Variants in PRR14L observed in about 807,000 individuals in gnomAD.
PRR14L encodes the protein proline rich 14 like, also known as protein PRR14L.
Under a neutral mutation model 155.0 loss-of-function variants are expected in PRR14L, and 80 were observed. The ratio of observed to expected loss-of-function variants is 0.52; its 90% CI spans 0.43 to 0.62. PRR14L has a LOEUF of 0.62. Among genes scored for constraint, PRR14L ranks in the 20% least tolerant of loss-of-function variants. PRR14L has a pLI of 0.00. For missense variants in PRR14L, 2,469 were observed against 2,548.0 expected (o/e 0.97, Z 0.67); for synonymous variants, 883 against 916.0 (o/e 0.96, Z 0.65).
chr22:31,745,856 A>AT (rs1444683801), intron 1 of PRR14L, among the ~76,000 whole-genome samples: 2,064 of 138,246 alleles, frequency 0.015, 17 homozygotes, highest in South Asian at 0.042. Flanking sequence ...AAAAAAAAAA[A>AT]AAAAAATATA....
intron 2 of PRR14L, among the ~76,000 whole-genome samples, chr22:31,730,020 G>A (rs763288375): frequency 1.3e-5 from 2 of 151,850 alleles, no homozygotes; most frequent in African/African-American, 4.8e-5. Context: ...GGTGTTGCAT[G>A]TCTGTAGTCC....
Position 31,712,945 on chromosome 22 carries a change from T to C in PRR14L, c.4894A>G (p.Thr1632Ala), listed in dbSNP as rs1359645649. The C allele has an allele frequency of 1.3e-6, 2 of 1,551,898 alleles. No individual in the cohort carries two copies. Among genetic ancestry groups the C allele is most frequent in the East Asian group, 2.4e-5 (1 of 40,910 alleles). ...LASKLAPAMKTQKLRYRRCSS... is the reference protein window; with the variant it reads ...LASKLAPAMKAQKLRYRRCSS... ...CACCGTCGGTATCTTAGCTTCTGAG[T>C]CTTCATGGCTGGGGCCAGTTTGGAG... is the stretch of plus-strand genomic sequence containing the variant. The change falls in exon 4 of 9, where the codon ACT (threonine) becomes GCT (alanine). Residue 1632 changes from threonine to alanine, a missense_variant. Coordinates refer to ENST00000327423, the MANE Select transcript of PRR14L (RefSeq NM_173566.3).
Position 31,685,706 on chromosome 22 carries a change from A to C in PRR14L, c.6277T>G (p.Phe2093Val). ...KRKRVLEFQD[F>V]TVPRKRRARG... ...GCTCTCCTCTTTCGCGGGACTGTAAAATCCTGAAATTCTAGAACTCGCTTC... is the reference window on the plus strand; with the variant it reads ...GCTCTCCTCTTTCGCGGGACTGTAACATCCTGAAATTCTAGAACTCGCTTC... The change falls in exon 9 of 9, where the codon TTT becomes GTT. Residue 2093 changes from phenylalanine (F) to valine (V), a missense_variant. Around this residue, in one of 2 missense-constraint regions of PRR14L, gnomAD observed 106 missense variants for 176.4 expected, o/e 0.60. Coordinates refer to ENST00000327423, the MANE Select transcript of PRR14L (RefSeq NM_173566.3). 2 of 1,551,626 alleles carry C rather than the reference A, an allele frequency of 1.3e-6. No individual in the cohort carries two copies. Among genetic ancestry groups the C allele is most frequent in the Non-Finnish European group, 1.7e-6 (2 of 1,146,988 alleles).
At position 31,702,796 on chromosome 22, in the gene PRR14L, G is replaced by A. The variant is rs571700178; in HGVS notation, c.6000+754C>T. On this transcript the variant is annotated intron_variant, in intron 6 of 8. Transcript: ENST00000327423. ...CTCCCAAAGTGCTGGAATCACAGGC[G>A]TGAGCCACCGTGCCCGGCCTTTTAT... Among the ~76,000 whole-genome samples, 9 of 151,886 alleles carry A rather than the reference G, an allele frequency of 5.9e-5. No individual in the cohort carries two copies. The East Asian group carries it at 1.5e-3, about 26-fold the overall frequency.
At chr22:31,702,309 G>A (rs767490055) in intron 6 of PRR14L, among the ~76,000 whole-genome samples, 4 of 152,012 alleles carry the variant, frequency 2.6e-5, no homozygotes, top group Admixed American at 6.6e-5. Context: ...CGCAACCTCT[G>A]CCTCCCAGGT....
Position 31,703,584 on chromosome 22 carries a change from G to T in PRR14L, c.5966C>A (p.Pro1989His). 1 of 1,613,782 alleles carries T rather than the reference G, an allele frequency of 6.2e-7. No individual in the cohort carries two copies. Residue 1989 changes from proline to histidine, a missense_variant, in exon 6 of 9, where the codon CCC (proline) becomes CAC (histidine). By Grantham distance (77) the Pro-to-His change is moderately conservative (BLOSUM62 -2). Coordinates refer to ENST00000327423, the MANE Select transcript of PRR14L (RefSeq NM_173566.3). ...TTCTGGGGGGCTGCTCTGTGGGCAG[G>T]GGCATGCTGCTTTCACACCATCCAG... Reference protein sequence around the residue: ...DELDGVKAACPCPQSSPPEQK... With the variant: ...DELDGVKAACHCPQSSPPEQK...
At chr22:31,747,358 C>T (rs1333563371) in intron 1 of PRR14L, among the ~76,000 whole-genome samples, 19 of 150,522 alleles carry the variant, frequency 1.3e-4, no homozygotes, top group Admixed American at 6.7e-4. Context: ...AGGTGATCCA[C>T]CCGCCTCGGC....
intron 4 of PRR14L, among the ~76,000 whole-genome samples, chr22:31,705,090 T>C (rs2074582875): frequency 6.6e-6 from 1 of 151,972 alleles, no homozygotes. Context: ...CGAGACCTTG[T>C]TTCCACAAAA....
At chr22:31,686,200 G>A (rs1266065732) in intron 8 of PRR14L, among the ~76,000 whole-genome samples, 1 of 151,320 alleles carries the variant, frequency 6.6e-6, no homozygotes, top group Admixed American at 6.6e-5. Flanking sequence ...CCAGGTTGAC[G>A]CCATTCTCCT....
intron 2 of PRR14L, among the ~76,000 whole-genome samples, chr22:31,727,987 A>G (rs2074726529): frequency 6.6e-6 from 1 of 151,954 alleles, no homozygotes; most frequent in Admixed American, 6.6e-5. Flanking sequence ...TCAGAAAAAA[A>G]AAAAAAAGAA....
intron 1 of PRR14L, among the ~76,000 whole-genome samples, chr22:31,748,873 T>C (rs2074855147): frequency 6.6e-6 from 1 of 152,172 alleles, no homozygotes; most frequent in Non-Finnish European, 1.5e-5. Flanking sequence ...TCTTTGTTAA[T>C]TTGGGAAAGT....
chr22:31,720,515 T>C (rs992507414), intron 3 of PRR14L, among the ~76,000 whole-genome samples: 6 of 152,120 alleles, frequency 3.9e-5, no homozygotes, highest in African/African-American at 1.4e-4. Flanking sequence ...GGCACATCAC[T>C]TGAGATCAGG....
At chr22:31,745,436 C>G (rs896455486) in intron 1 of PRR14L, among the ~76,000 whole-genome samples, 5 of 152,160 alleles carry the variant, frequency 3.3e-5, no homozygotes, top group Admixed American at 3.3e-4. Flanking sequence ...CTCACACCAT[C>G]TATCAAAATA....
At chr22:31,734,691 A>C (rs563954809) in intron 2 of PRR14L, among the ~76,000 whole-genome samples, 5 of 152,200 alleles carry the variant, frequency 3.3e-5, no homozygotes, top group Non-Finnish European at 5.9e-5. Flanking sequence ...CTCTTTCACA[A>C]GTTACACACC....
At chr22:31,731,565 CAAAAAAAAAAAAAA>C (rs55727852) in intron 2 of PRR14L, among the ~76,000 whole-genome samples, 1 of 49,248 alleles carries the variant, frequency 2.0e-5, no homozygotes, top group Non-Finnish European at 4.0e-5. Context: ...GAGACTGTCT[CAAAAAAAAAAAAAA>C]AAAAAAAAAA....
intron 7 of PRR14L, among the ~76,000 whole-genome samples, chr22:31,701,390 C>A (rs879022785): frequency 6.6e-6 from 1 of 152,142 alleles, no homozygotes; most frequent in Admixed American, 6.6e-5. Context: ...TGGGTAAATC[C>A]TGTGACACAC....
intron 2 of PRR14L, among the ~76,000 whole-genome samples, chr22:31,735,302 G>T (rs189412896): frequency 1.3e-5 from 2 of 152,236 alleles, no homozygotes; most frequent in Admixed American, 1.3e-4. Flanking sequence ...TTAGCCAGGC[G>T]TCATGGCGGG....
At chr22:31,722,157 C>T (rs1463962272) in intron 3 of PRR14L, among the ~76,000 whole-genome samples, 2 of 151,990 alleles carry the variant, frequency 1.3e-5, no homozygotes, top group African/African-American at 2.4e-5. Flanking sequence ...GGGCCGGGCG[C>T]GGTGGCTCAC....
At chr22:31,705,416 C>T (rs2074585123) in intron 4 of PRR14L, among the ~76,000 whole-genome samples, 1 of 152,012 alleles carries the variant, frequency 6.6e-6, no homozygotes, top group Non-Finnish European at 1.5e-5. Context: ...TTCCGTTGCC[C>T]AGGCTGGAGT....
Sources: gnomAD v4.1 joint callset for allele counts (sites outside exome capture counted in the v4.1 genomes callset) on GRCh38, gnomAD v4.1.1 for gene constraint, gnomAD v4.1.1 regional missense constraint, MANE v1.5 for transcripts, NCBI Gene and HGNC (gene_info 2026-07-23, HGNC 2026-07-21) for gene names.